SMAD3: variants seen among roughly 807,000 people sequenced by gnomAD.
The protein encoded by SMAD3 is MAD homolog 3.
Under a neutral mutation model 51.8 loss-of-function variants are expected in SMAD3, and 12 were observed. That is an observed-to-expected ratio of 0.23 (90% CI 0.15 to 0.38). The LOEUF (loss-of-function observed/expected upper bound fraction) is 0.38, where lower values mean the gene tolerates loss of function less well. Ranked by LOEUF, SMAD3 falls within the 10% of genes least tolerant of loss-of-function variation. SMAD3 has a pLI of 1.00. For missense variants in SMAD3, 294 were observed against 565.6 expected, an observed-to-expected ratio of 0.52 and a Z score of 4.87; for synonymous variants, 238 against 227.7, an observed-to-expected ratio of 1.05 and a Z score of -0.41.
chr15:67,130,901 G>A (rs578055497), intron 1 of SMAD3, among the ~76,000 whole-genome samples: 61 of 152,022 alleles, frequency 4.0e-4, no homozygotes, highest in African/African-American at 1.4e-3. Flanking sequence ...GTATGAGGTG[G>A]GGGTGAGGAG....
intron 1 of SMAD3, among the ~76,000 whole-genome samples, chr15:67,083,727 A>G (rs1029711698): frequency 1.3e-5 from 2 of 152,204 alleles, no homozygotes; most frequent in African/African-American, 4.8e-5. Context: ...CAATACCTGA[A>G]CATCCCTACA....
intron 1 of SMAD3, among the ~76,000 whole-genome samples, chr15:67,098,234 A>G (rs79122445): frequency 1.8e-3 from 272 of 150,586 alleles, no homozygotes; most frequent in African/African-American, 6.4e-3. Flanking sequence ...TTTGGGCCTC[A>G]GTTCATCATC....
At chr15:67,106,929 A>T (rs1468543989) in intron 1 of SMAD3, among the ~76,000 whole-genome samples, 1 of 152,140 alleles carries the variant, frequency 6.6e-6, no homozygotes, top group East Asian at 1.9e-4. Flanking sequence ...TGGTATCAAA[A>T]CATATCATTC....
chr15:67,169,389 C>T (rs542833303), intron 4 of SMAD3, among the ~76,000 whole-genome samples: 2 of 152,242 alleles, frequency 1.3e-5, no homozygotes, highest in Admixed American at 6.5e-5. Flanking sequence ...CAGCGCAAGG[C>T]AGCATTCACT....
chr15:67,150,212 G>C (rs568570873), intron 1 of SMAD3, among the ~76,000 whole-genome samples: 20 of 152,284 alleles, frequency 1.3e-4, no homozygotes, highest in Admixed American at 9.2e-4. Context: ...CCCGTTGCAT[G>C]TTATGCAGCA....
At chr15:67,075,243 T>C (rs374160563) in intron 1 of SMAD3, among the ~76,000 whole-genome samples, 77 of 152,312 alleles carry the variant, frequency 5.1e-4, no homozygotes, top group African/African-American at 1.8e-3. Flanking sequence ...AAATTGGGTT[T>C]TTCCTTTTGC....
intron 1 of SMAD3, among the ~76,000 whole-genome samples, chr15:67,071,009 A>G (rs957372128): frequency 2.0e-5 from 3 of 152,220 alleles, no homozygotes; most frequent in Non-Finnish European, 2.9e-5. Context: ...ACATACTACA[A>G]TGACCACAGC....
At chr15:67,100,595 T>G (rs1960732137) in intron 1 of SMAD3, among the ~76,000 whole-genome samples, 1 of 152,086 alleles carries the variant, frequency 6.6e-6, no homozygotes. Context: ...CTGTGATATA[T>G]TGTGATAAAT....
intron 1 of SMAD3, among the ~76,000 whole-genome samples, chr15:67,097,112 G>A (rs980536660): frequency 6.6e-6 from 1 of 152,176 alleles, no homozygotes; most frequent in Non-Finnish European, 1.5e-5. Context: ...CAGTCTTTTG[G>A]TTGCAGTGTA....
chr15:67,145,576 C>T (rs970997297), intron 1 of SMAD3, among the ~76,000 whole-genome samples: 3 of 152,164 alleles, frequency 2.0e-5, no homozygotes, highest in Admixed American at 6.5e-5. Flanking sequence ...GGATGTTCGG[C>T]AACATCATTG....
intron 1 of SMAD3, among the ~76,000 whole-genome samples, chr15:67,070,809 C>A (rs371319661): frequency 1.3e-5 from 2 of 151,760 alleles, no homozygotes; most frequent in East Asian, 1.9e-4. Context: ...CTGTACCTGC[C>A]ATTTTACCAC....
At chr15:67,096,056 C>T (rs1165035431) in intron 1 of SMAD3, among the ~76,000 whole-genome samples, 1 of 152,164 alleles carries the variant, frequency 6.6e-6, no homozygotes, top group Non-Finnish European at 1.5e-5. Flanking sequence ...CCTGACAGTC[C>T]TGATGCTTTC....
At chr15:67,121,372 T>TGGGGGAG (rs1165867080) in intron 1 of SMAD3, among the ~76,000 whole-genome samples, 1 of 152,074 alleles carries the variant, frequency 6.6e-6, no homozygotes, top group African/African-American at 2.4e-5. Context: ...GCATCGTGGG[T>TGGGGGAG]GGCTCTCCCC....
chr15:67,150,556 G>A (rs1288089015), intron 1 of SMAD3, among the ~76,000 whole-genome samples: 1 of 152,152 alleles, frequency 6.6e-6, no homozygotes, highest in African/African-American at 2.4e-5. Flanking sequence ...ATGGTGCTCC[G>A]ATTCGGGCAG....
chr15:67,104,559 G>A (rs966462301), intron 1 of SMAD3, among the ~76,000 whole-genome samples: 19 of 152,074 alleles, frequency 1.2e-4, no homozygotes, highest in African/African-American at 2.7e-4. Flanking sequence ...ATAAATATTC[G>A]TACTAATTTG....
At chr15:67,116,546 G>T (rs1303753995) in intron 1 of SMAD3, among the ~76,000 whole-genome samples, 1 of 152,200 alleles carries the variant, frequency 6.6e-6, no homozygotes, top group African/African-American at 2.4e-5. Flanking sequence ...GGCTGGAGAA[G>T]CGTGTGGTAA....
At chr15:67,120,263 C>G (rs971711826) in intron 1 of SMAD3, among the ~76,000 whole-genome samples, 4 of 152,158 alleles carry the variant, frequency 2.6e-5, no homozygotes, top group Non-Finnish European at 4.4e-5. Context: ...CCCTGGGCTG[C>G]TTAACGTGAT....
intron 7 of SMAD3, chr15:67,186,543 C>T (rs1027614058): frequency 3.2e-5 from 5 of 154,930 alleles, no homozygotes; most frequent in African/African-American, 7.2e-5. Flanking sequence ...AGCGTCACCC[C>T]GGCTCACCTT....
chr15:67,161,544 G>A (rs906135493), intron 1 of SMAD3, among the ~76,000 whole-genome samples: 1 of 152,036 alleles, frequency 6.6e-6, no homozygotes, highest in African/African-American at 2.4e-5. Context: ...GTCAAACACC[G>A]AAGAGCAAAT....
Sources: allele counts gnomAD v4.1 joint callset (sites outside exome capture counted in the v4.1 genomes callset), GRCh38; gene constraint gnomAD v4.1.1; transcripts MANE v1.5; gene names NCBI Gene and HGNC (gene_info 2026-07-23, HGNC 2026-07-21).